Variants in HIRA observed in about 807,000 individuals in gnomAD.
HIRA encodes histone cell cycle regulator, also known as protein HIRA.
Under a neutral mutation model 126.6 loss-of-function variants are expected in HIRA, and 13 were observed. The observed-to-expected ratio is 0.10, with a 90% CI of 0.07 to 0.16. The LOEUF (loss-of-function observed/expected upper bound fraction) is 0.16. HIRA is among the 10% of genes least tolerant of loss of function. HIRA has a pLI of 1.00. For synonymous variants in HIRA, 511 were observed against 520.0 expected (o/e 0.98, Z 0.24); for missense variants, 834 against 1,314.4 (o/e 0.63, Z 5.65).
Position 19,394,446 on chromosome 22 carries a change from C to T in HIRA, c.718G>A (p.Ala240Thr). ...WSPDGHYLVSAHAMNNSGPTA... is the reference protein window; with the variant it reads ...WSPDGHYLVSTHAMNNSGPTA... Reference sequence around the variant, plus strand: ...GGGCCTGAGTTGTTCATGGCATGGGCAGACACCAGGTAATGCCCATCAGGT... The same window carrying T: ...GGGCCTGAGTTGTTCATGGCATGGGTAGACACCAGGTAATGCCCATCAGGT... The change falls in exon 8 of 25, where the codon GCC becomes ACC. Residue 240 changes from alanine (A) to threonine (T), a missense_variant. Ala to Thr is a moderately conservative substitution (Grantham distance 58). Around this residue, in one of 5 missense-constraint regions of HIRA, gnomAD observed 53 missense variants for 163.7 expected, o/e 0.32. Coordinates refer to ENST00000263208, the MANE Select transcript of HIRA (RefSeq NM_003325.4). 1 of 1,614,156 alleles carries T rather than the reference C, an allele frequency of 6.2e-7. No homozygotes were observed. Among genetic ancestry groups the T allele is most frequent in the East Asian group, 2.2e-5 (1 of 44,886 alleles).
intron 5 of HIRA, chr22:19,405,370 TA>T (rs201870665): frequency 4.3e-6 from 2 of 463,794 alleles, no homozygotes; most frequent in Non-Finnish European, 5.7e-6. Flanking sequence ...CAAGTTTATT[TA>T]AAACACTGCA....
Position 19,361,688 on chromosome 22 carries a change from G to C in HIRA, c.1980+39C>G, listed in dbSNP as rs746932465. The stretch of plus-strand genomic sequence containing the variant: ...GGCCTTCAAGCTCTAAGTACAGAAA[G>C]GTGGGCTAAAGAAGGCAGGATGGGC... On this transcript the variant is annotated intron_variant, in intron 16 of 24. Transcript: ENST00000263208. 2.5e-6 allele frequency: 4 copies of C among 1,590,182 alleles called. No individual in the cohort carries two copies. The Admixed American group carries it at 6.7e-5, about 27-fold the overall frequency.
intron 10 of HIRA, 84 bp from the exon 11 acceptor site, chr22:19,387,900 G>A (rs2089141143): frequency 1.0e-6 from 1 of 971,436 alleles, no homozygotes; most frequent in Admixed American, 2.1e-5. Context: ...TGAGGATGGT[G>A]GGCAGTGTTC....
chr22:19,356,295 G>A lies in HIRA; in HGVS notation c.2397-7C>T. 2.5e-6 allele frequency: 4 copies of A among 1,613,192 alleles called. No homozygotes were observed. Among genetic ancestry groups the A allele is most frequent in the Non-Finnish European group, 3.4e-6 (4 of 1,179,232 alleles). On this transcript the variant is annotated splice_region_variant and splice_polypyrimidine_tract_variant and intron_variant, in intron 19 of 24. Transcript: ENST00000263208. ...CACCTGTCTGTGAACATCCCTAGGA[G>A]GGAGACAGGGAACAGTTTACTCACC...
At chr22:19,393,498 C>T (rs1308075510) in intron 8 of HIRA, among the ~76,000 whole-genome samples, 2 of 152,094 alleles carry the variant, frequency 1.3e-5, no homozygotes, top group African/African-American at 2.4e-5. Context: ...GCTGGGATTA[C>T]AGGCGCATGA....
Position 19,331,391 on chromosome 22 carries a change from G to A in HIRA, c.*49C>T. 1 of 1,611,646 alleles carries A rather than the reference G, an allele frequency of 6.2e-7. No homozygotes were observed. Among genetic ancestry groups the A allele is most frequent in the Non-Finnish European group, 8.5e-7 (1 of 1,179,722 alleles). On this transcript the variant is annotated 3_prime_UTR_variant, in exon 25 of 25. Coordinates refer to ENST00000263208, the MANE Select transcript of HIRA (RefSeq NM_003325.4). ...GAGGCGGTCCTGCATGTCATCAGCG[G>A]CGAGAGTGTGGCCCTGCCCTTGCTG...
At chr22:19,391,420 T>C (rs2046263085) in intron 9 of HIRA, among the ~76,000 whole-genome samples, 2 of 152,074 alleles carry the variant, frequency 1.3e-5, no homozygotes, top group South Asian at 4.1e-4. Context: ...TGTAAACATG[T>C]ATGACAACTC....
intron 23 of HIRA, among the ~76,000 whole-genome samples, chr22:19,352,386 T>TGA (rs1392627409): frequency 6.6e-6 from 1 of 151,922 alleles, no homozygotes; most frequent in Non-Finnish European, 1.5e-5. Context: ...AGGAGAGGTA[T>TGA]GAGAGCCTGG....
chr22:19,387,197 T>C (rs185387548), intron 11 of HIRA, among the ~76,000 whole-genome samples: 45 of 152,336 alleles, frequency 3.0e-4, no homozygotes, highest in African/African-American at 9.4e-4. Flanking sequence ...AAGGGTCACA[T>C]ACAGTCTGGG....
At chr22:19,335,138 C>A (rs1007720841) in intron 24 of HIRA, among the ~76,000 whole-genome samples, 1 of 152,148 alleles carries the variant, frequency 6.6e-6, no homozygotes, top group Non-Finnish European at 1.5e-5. Flanking sequence ...ACTTTCATAT[C>A]CCCACTCCTG....
chr22:19,348,668 T>G (rs2088717341), intron 24 of HIRA, among the ~76,000 whole-genome samples: 2 of 151,712 alleles, frequency 1.3e-5, no homozygotes, highest in African/African-American at 4.9e-5. Context: ...GCTAATTTTT[T>G]GTATTTTTAG....
chr22:19,359,248 A>G (rs2088841524), intron 18 of HIRA, 88 bp downstream of exon 18: 3 of 1,365,318 alleles, frequency 2.2e-6, no homozygotes, highest in African/African-American at 1.5e-5. Context: ...TCCCAGGGTC[A>G]TGCACCTCCC....
intron 24 of HIRA, among the ~76,000 whole-genome samples, chr22:19,347,826 C>T (rs1556009353): frequency 1.3e-5 from 2 of 152,186 alleles, no homozygotes; most frequent in East Asian, 3.9e-4. Flanking sequence ...GTAATTCCAG[C>T]TACTTGGGAG....
At chr22:19,388,317 G>A (rs1050633232) in intron 10 of HIRA, among the ~76,000 whole-genome samples, 167 bp downstream of exon 10, 10 of 152,190 alleles carry the variant, frequency 6.6e-5, no homozygotes, top group Admixed American at 5.2e-4. Context: ...CAGGTACACC[G>A]CTGCCAGTTC....
chr22:19,341,387 T>A (rs1309465536), intron 24 of HIRA, among the ~76,000 whole-genome samples: 1 of 148,670 alleles, frequency 6.7e-6, no homozygotes, highest in Non-Finnish European at 1.5e-5. Context: ...AGGCAGAGTT[T>A]GCCATGAGCC....
chr22:19,379,153 G>A (rs1350301987), intron 13 of HIRA, among the ~76,000 whole-genome samples: 2 of 151,198 alleles, frequency 1.3e-5, no homozygotes, highest in African/African-American at 2.4e-5. Context: ...TCAGCCTCCC[G>A]AGTATCCCGC....
chr22:19,370,539 C>T (rs1337223598), intron 15 of HIRA, among the ~76,000 whole-genome samples: 4 of 152,216 alleles, frequency 2.6e-5, no homozygotes, highest in Non-Finnish European at 5.9e-5. Flanking sequence ...TGAGCCACTG[C>T]ACCAGGCCTC....
At chr22:19,339,853 A>G (rs1441108629) in intron 24 of HIRA, among the ~76,000 whole-genome samples, 1 of 152,184 alleles carries the variant, frequency 6.6e-6, no homozygotes, top group African/African-American at 2.4e-5. Flanking sequence ...GACCAATAAT[A>G]AGTAGCAAGA....
At chr22:19,393,797 C>T (rs1416612098) in intron 8 of HIRA, among the ~76,000 whole-genome samples, 1 of 152,202 alleles carries the variant, frequency 6.6e-6, no homozygotes, top group African/African-American at 2.4e-5. Context: ...TCCTGGTTCT[C>T]ACAGATTATT....
Sources: allele counts gnomAD v4.1 joint callset (sites outside exome capture counted in the v4.1 genomes callset), GRCh38; gene constraint gnomAD v4.1.1; regional missense constraint gnomAD v4.1.1; transcripts MANE v1.5; gene names NCBI Gene and HGNC (gene_info 2026-07-23, HGNC 2026-07-21).